TMEM132D: variants seen among roughly 807,000 people sequenced by gnomAD.
The protein encoded by TMEM132D is transmembrane protein 132D, also known as mature OL transmembrane protein.
Under a neutral mutation model 62.3 loss-of-function variants are expected in TMEM132D, and 21 were observed. The ratio of observed to expected loss-of-function variants is 0.34; its 90% CI spans 0.24 to 0.49. The LOEUF (loss-of-function observed/expected upper bound fraction) is 0.49. TMEM132D is among the 20% of genes least tolerant of loss of function. The pLI, the probability that TMEM132D is intolerant of heterozygous loss-of-function variation, is 0.99. For synonymous variants in TMEM132D, 621 were observed against 575.6 expected (o/e 1.08, Z -1.13); for missense variants, 1,346 against 1,402.8 (o/e 0.96, Z 0.65).
chr12:129,728,518 G>C (rs1321351599), intron 1 of TMEM132D, among the ~76,000 whole-genome samples: 1 of 152,142 alleles, frequency 6.6e-6, no homozygotes, highest in African/African-American at 2.4e-5. Context: ...TAAGGAACTG[G>C]GGAATATGAA....
chr12:129,254,775 C>T (rs970022591), intron 4 of TMEM132D, among the ~76,000 whole-genome samples: 3 of 152,146 alleles, frequency 2.0e-5, no homozygotes, highest in African/African-American at 7.2e-5. Flanking sequence ...TCATCCTCTT[C>T]TGATTTATAT....
chr12:129,516,450 C>T (rs1875679013), intron 3 of TMEM132D, among the ~76,000 whole-genome samples: 1 of 152,196 alleles, frequency 6.6e-6, no homozygotes, highest in Non-Finnish European at 1.5e-5. Flanking sequence ...GCCTCACAAT[C>T]ATGGCAGAAG....
intron 3 of TMEM132D, among the ~76,000 whole-genome samples, chr12:129,449,943 T>A (rs993441545): frequency 6.6e-6 from 1 of 151,930 alleles, no homozygotes; most frequent in Non-Finnish European, 1.5e-5. Flanking sequence ...AGTTTCATTG[T>A]GGTTTTGATC....
chr12:129,202,281 G>C (rs754144205), intron 5 of TMEM132D, among the ~76,000 whole-genome samples: 1 of 152,198 alleles, frequency 6.6e-6, no homozygotes, highest in Non-Finnish European at 1.5e-5. Flanking sequence ...ACACATCTCT[G>C]AGAATCCCTT....
At chr12:129,466,174 A>C (rs756310000) in intron 3 of TMEM132D, among the ~76,000 whole-genome samples, 1 of 151,992 alleles carries the variant, frequency 6.6e-6, no homozygotes, top group African/African-American at 2.4e-5. Context: ...CTGCAGATTC[A>C]TTCCAAATAA....
intron 3 of TMEM132D, among the ~76,000 whole-genome samples, chr12:129,487,707 C>A (rs1183653878): frequency 4.0e-5 from 6 of 151,544 alleles, no homozygotes; most frequent in African/African-American, 9.7e-5. Flanking sequence ...CCGAGGCGGG[C>A]GGATCATGAG....
At chr12:129,822,801 C>A (rs1205698153) in intron 1 of TMEM132D, among the ~76,000 whole-genome samples, 1 of 152,060 alleles carries the variant, frequency 6.6e-6, no homozygotes, top group Non-Finnish European at 1.5e-5. Context: ...GGAAAATCAC[C>A]CCCATGATTC....
At chr12:129,445,011 T>G (rs1039126109) in intron 3 of TMEM132D, among the ~76,000 whole-genome samples, 7 of 152,200 alleles carry the variant, frequency 4.6e-5, no homozygotes, top group African/African-American at 1.7e-4. Flanking sequence ...AATTGTTCTA[T>G]TATAATGACT....
At chr12:129,747,758 G>GAC (rs572442180) in intron 1 of TMEM132D, among the ~76,000 whole-genome samples, 6 of 145,714 alleles carry the variant, frequency 4.1e-5, no homozygotes, top group East Asian at 4.1e-4. Flanking sequence ...CACACATCCA[G>GAC]ACACACACAC....
At chr12:129,196,445 T>C (rs556505132) in intron 5 of TMEM132D, among the ~76,000 whole-genome samples, 31 of 152,316 alleles carry the variant, frequency 2.0e-4, no homozygotes, top group African/African-American at 7.2e-4. Flanking sequence ...ATATAAATTC[T>C]ATGTAAGTGG....
At chr12:129,621,994 G>A (rs1038705223) in intron 2 of TMEM132D, among the ~76,000 whole-genome samples, 1 of 152,150 alleles carries the variant, frequency 6.6e-6, no homozygotes, top group African/African-American at 2.4e-5. Flanking sequence ...AGGAGAGAAG[G>A]TTGTGCTCCT....
intron 5 of TMEM132D, among the ~76,000 whole-genome samples, chr12:129,131,982 A>C (rs1876388951): frequency 6.6e-6 from 1 of 152,228 alleles, no homozygotes; most frequent in African/African-American, 2.4e-5. Context: ...TAACCCTCCT[A>C]AACTGATGAA....
intron 8 of TMEM132D, among the ~76,000 whole-genome samples, chr12:129,075,781 C>G (rs1385044054): frequency 6.6e-5 from 10 of 152,378 alleles, no homozygotes. Flanking sequence ...CTTGTTTTCA[C>G]TTTGTTGATT....
At chr12:129,524,970 G>A (rs1323790867) in intron 3 of TMEM132D, among the ~76,000 whole-genome samples, 1 of 120,100 alleles carries the variant, frequency 8.3e-6, no homozygotes, top group African/African-American at 3.3e-5. Context: ...TCTGTCGCCA[G>A]GCTGGAGTGC....
chr12:129,156,130 T>A (rs1489623284), intron 5 of TMEM132D, among the ~76,000 whole-genome samples: 2 of 149,858 alleles, frequency 1.3e-5, no homozygotes, highest in Non-Finnish European at 3.0e-5. Context: ...GATAACCAAC[T>A]CACTCCAAAG....
chr12:129,576,309 T>G (rs908993958), intron 2 of TMEM132D, among the ~76,000 whole-genome samples: 2 of 151,854 alleles, frequency 1.3e-5, no homozygotes, highest in Non-Finnish European at 2.9e-5. Context: ...TTACAATTAA[T>G]AATTATCTGG....
At position 129,466,038 on chromosome 12, in the gene TMEM132D, T is replaced by C. The variant is rs1486826289; in HGVS notation, c.1115+65021A>G. Among the ~76,000 whole-genome samples, 5 of 152,164 alleles carry C rather than the reference T, an allele frequency of 3.3e-5. No homozygotes were observed. In the East Asian group the frequency reaches 9.6e-4, roughly 29 times the overall value. On this transcript the variant is annotated intron_variant, in intron 3 of 8. Coordinates refer to ENST00000422113, the MANE Select transcript of TMEM132D (RefSeq NM_133448.3). The stretch of plus-strand genomic sequence containing the variant: ...CATAATATCTACGGCACAGGATTAA[T>C]GTAAAGGGTGTTTGAGACAATGCAA...
chr12:129,502,817 T>A (rs1186885690), intron 3 of TMEM132D, among the ~76,000 whole-genome samples: 1 of 152,196 alleles, frequency 6.6e-6, no homozygotes, highest in Non-Finnish European at 1.5e-5. Context: ...TTAGCTAGAT[T>A]TGGATCATGC....
intron 2 of TMEM132D, among the ~76,000 whole-genome samples, chr12:129,595,841 G>C (rs960112938): frequency 6.6e-6 from 1 of 152,206 alleles, no homozygotes; most frequent in Admixed American, 6.5e-5. Context: ...AGTTTCCAGT[G>C]GTCCCTCAGC....
Sources: allele counts gnomAD v4.1 joint callset (sites outside exome capture counted in the v4.1 genomes callset), GRCh38; gene constraint gnomAD v4.1.1; transcripts MANE v1.5; gene names NCBI Gene and HGNC (gene_info 2026-07-23, HGNC 2026-07-21).